DRC4: variants seen among roughly 807,000 people sequenced by gnomAD.
DRC4 encodes GAS-11.
chr16:90,019,812 G>A, the DRC4 span: 114 of 688,866 alleles, frequency 1.7e-4, no homozygotes, highest in Non-Finnish European at 2.6e-4. This position sits in a 1 kb window ranked among gnomAD's most constrained non-coding sequence, Gnocchi z 6.1. Context: ...CGCCCCTCGG[G>A]GCTGGCGAGG....
At chr16:90,022,765 G>T in the DRC4 span, 58 of 1,342,772 alleles carry the variant, frequency 4.3e-5, no homozygotes, top group Admixed American at 1.5e-3. Context: ...CTCGGCAGGG[G>T]CCCGGAGACC....
At chr16:90,027,842 G>A in the DRC4 span, 6 of 895,946 alleles carry the variant, frequency 6.7e-6, no homozygotes, top group South Asian at 7.4e-5. Context: ...GCCAGAACAC[G>A]CCCCCCGCGT....
the DRC4 span, chr16:90,029,644 C>G: frequency 4.6e-6 from 1 of 218,496 alleles, no homozygotes; most frequent in Non-Finnish European, 1.0e-5. Flanking sequence ...TCCTGCTGCT[C>G]CTTCTTGTTT....
chr16:90,021,874 A>AAAAAAAAAAG, the DRC4 span, among the ~76,000 whole-genome samples: 183 of 127,212 alleles, frequency 1.4e-3, 7 homozygotes, highest in African/African-American at 2.0e-3. Context: ...AAAAAAAAAA[A>AAAAAAAAAAG]AAGCACCTGT....
the DRC4 span, chr16:90,040,395 C>T: frequency 6.2e-7 from 1 of 1,612,000 alleles, no homozygotes; most frequent in Non-Finnish European, 8.5e-7. Flanking sequence ...TGCTAGAACG[C>T]AAGCTGCAGG....
the DRC4 span, among the ~76,000 whole-genome samples, chr16:90,034,808 C>T: frequency 2.0e-5 from 3 of 150,690 alleles, no homozygotes; most frequent in African/African-American, 7.3e-5. Context: ...ACTGCAGCCT[C>T]GAACTTCTAG....
chr16:90,031,746 T>G, the DRC4 span, among the ~76,000 whole-genome samples: 2 of 152,184 alleles, frequency 1.3e-5, no homozygotes, highest in Non-Finnish European at 2.9e-5. Context: ...CTCTGCCACT[T>G]AATACCCCAT....
the DRC4 span, chr16:90,029,285 G>A: frequency 1.5e-6 from 2 of 1,366,416 alleles, no homozygotes; most frequent in Non-Finnish European, 2.0e-6. Context: ...GTCCAGGCAG[G>A]TGGGGAGGGA....
the DRC4 span, chr16:90,031,229 C>G: frequency 1.0e-5 from 16 of 1,599,636 alleles, no homozygotes; most frequent in Middle Eastern, 3.3e-4. Context: ...TGCCTTTCGC[C>G]GGCCACACGC....
At chr16:90,040,098 C>T in the DRC4 span, 2 of 610,004 alleles carry the variant, frequency 3.3e-6, no homozygotes, top group African/African-American at 3.7e-5. Flanking sequence ...TGTGTTCCTC[C>T]TGCCTTCCAC....
the DRC4 span, chr16:90,040,232 A>C: frequency 2.1e-6 from 3 of 1,447,914 alleles, no homozygotes; most frequent in Non-Finnish European, 2.8e-6. Context: ...GGTGGGAGGC[A>C]GCATCTTCCC....
chr16:90,019,883 C>G, the DRC4 span: 1 of 657,852 alleles, frequency 1.5e-6, no homozygotes, highest in East Asian at 2.8e-5. The surrounding 1 kb of genome is among the most constrained non-coding windows in gnomAD (Gnocchi z 6.1). Context: ...CCCTGGATGG[C>G]GCGAATTAAC....
At chr16:90,021,856 C>CAAAAAAA in the DRC4 span, among the ~76,000 whole-genome samples, 1 of 28,960 alleles carries the variant, frequency 3.5e-5, no homozygotes, top group African/African-American at 1.3e-4. Flanking sequence ...ACCCTGTCTC[C>CAAAAAAA]AAAAAAAAAA....
chr16:90,035,826 G>A, the DRC4 span: 3 of 1,571,358 alleles, frequency 1.9e-6, no homozygotes, highest in African/African-American at 1.4e-5. Context: ...AAAGAACATG[G>A]AAGTTTCCAA....
chr16:90,022,750 G>T, the DRC4 span: 2 of 1,392,714 alleles, frequency 1.4e-6, no homozygotes, highest in African/African-American at 1.5e-5. Flanking sequence ...AGCGGGGCTG[G>T]GGTCCTCGGC....
At chr16:90,036,753 A>T in the DRC4 span, 1 of 730,766 alleles carries the variant, frequency 1.4e-6, no homozygotes, top group Non-Finnish European at 2.4e-6. Context: ...ATTCCTAAAT[A>T]ACGTAACCTA....
chr16:90,030,507 A>ATTTTTTTTTT, the DRC4 span, among the ~76,000 whole-genome samples: 1 of 118,972 alleles, frequency 8.4e-6, no homozygotes. Context: ...CTCCTGGCTA[A>ATTTTTTTTTT]TTTTTTTTTT....
chr16:90,042,425 G>C, the DRC4 span: 3 of 1,591,754 alleles, frequency 1.9e-6, no homozygotes, highest in Admixed American at 1.7e-5. Context: ...CCGTTGCCTC[G>C]GCCAAAAGAT....
chr16:90,041,960 C>T, the DRC4 span, among the ~76,000 whole-genome samples: 7 of 152,032 alleles, frequency 4.6e-5, no homozygotes, highest in African/African-American at 9.7e-5. Context: ...TTTCTTGAGA[C>T]GGTGTCTTGC....
Sources: gnomAD v4.1 joint callset for allele counts (sites outside exome capture counted in the v4.1 genomes callset) on GRCh38, gnomAD v4.1.1 for gene constraint, Gnocchi (gnomAD v3.1) non-coding constraint, MANE v1.5 for transcripts, NCBI Gene and HGNC (gene_info 2026-07-23, HGNC 2026-07-21) for gene names.